The following CACNA1S variants were observed in gnomAD, a reference collection of about 807,000 sequenced individuals.
CACNA1S encodes the protein voltage-dependent L-type calcium channel subunit alpha-1S.
CACNA1S carries 126 observed loss-of-function variants against 207.4 expected under a neutral mutation model. The ratio of observed to expected loss-of-function variants is 0.61; its 90% CI spans 0.53 to 0.70. The LOEUF is 0.70. Ranked by LOEUF, CACNA1S falls within the 30% of genes least tolerant of loss-of-function variation. The pLI, the probability that CACNA1S is intolerant of heterozygous loss-of-function variation, is 0.00. For missense variants in CACNA1S, 2,349 were observed against 2,422.8 expected (o/e 0.97, Z 0.64); for synonymous variants, 960 against 932.7 (o/e 1.03, Z -0.53).
chr1:201,109,151 G>A (rs761679879), intron 2 of CACNA1S, among the ~76,000 whole-genome samples: 6 of 151,994 alleles, frequency 3.9e-5, no homozygotes, highest in Non-Finnish European at 5.9e-5. Flanking sequence ...GGGAGGCTGA[G>A]GCAGGAGCAT....
In CACNA1S at chr1:201,084,410, T is replaced by G. The variant is rs143757995; in HGVS notation, c.1232+540A>C. 9.5e-3 allele frequency among the ~76,000 whole-genome samples: 1,447 copies of G among 152,344 alleles called. 12 individuals carry two copies. The highest frequency in any genetic ancestry group is 0.016 in the Non-Finnish European group (1,111 of 68,034). ...GGGCACTGGAGACCTTCATCTTTTC[T>G]TTGATGTATAGCTCTATTGTTTGAT... is the stretch of plus-strand genomic sequence containing the variant. On this transcript the variant is annotated intron_variant, in intron 9 of 43. Transcript: ENST00000362061.
At chr1:201,098,555 C>T (rs1662520909) in intron 2 of CACNA1S, among the ~76,000 whole-genome samples, 1 of 152,222 alleles carries the variant, frequency 6.6e-6, no homozygotes, top group Admixed American at 6.5e-5. Flanking sequence ...ATCTGAGAAG[C>T]TCTGCTATAG....
intron 9 of CACNA1S, 83 bp downstream of exon 9, chr1:201,084,866 AC>A (rs1292482376): frequency 2.1e-6 from 2 of 957,668 alleles, no homozygotes; most frequent in East Asian, 4.8e-5. Context: ...CTCTGAAACC[AC>A]TGAGGGGAAG....
chr1:201,065,540 C>T (rs1005872796), intron 22 of CACNA1S, among the ~76,000 whole-genome samples: 10 of 152,312 alleles, frequency 6.6e-5, no homozygotes, highest in African/African-American at 2.4e-4. Context: ...TCAGTAGACA[C>T]ATGACCCTCT....
chr1:201,062,058 G>A lies in CACNA1S; in HGVS notation c.2939C>T (p.Pro980Leu). 6.2e-7 allele frequency: 1 copy of A among 1,614,094 alleles called. No individual in the cohort carries two copies. Among genetic ancestry groups the A allele is most frequent in the African/African-American group, 1.3e-5 (1 of 75,056 alleles). The change falls in exon 24 of 44, where the codon CCC (proline) becomes CTC (leucine). Residue 980 changes from proline to leucine, a missense_variant. Transcript: ENST00000362061. ...GYYYVYKDGD[P>L]MQIELRHREW... ...GCGGTGACGCAGCTCTATCTGCATG[G>A]GGTCCCCGTCCTTGTACACGTAGTA... is the stretch of plus-strand genomic sequence containing the variant.
In CACNA1S at chr1:201,075,636, G is replaced by A. The variant is rs771681175; in HGVS notation, c.1828-21C>T. On this transcript the variant is annotated intron_variant, in intron 12 of 43. Transcript: ENST00000362061. ...AGTACCTGTATGGAGGGAGGATAGA[G>A]GGCTCGGGAACACAGAGGGGCCTGA... 11 of 1,613,404 alleles carry A rather than the reference G, an allele frequency of 6.8e-6. No individual in the cohort carries two copies. The African/African-American group carries it at 1.5e-4, about 22-fold the overall frequency.
At chr1:201,047,452 G>A in intron 37 of CACNA1S, 73 bp downstream of exon 37, 1 of 1,366,402 alleles carries the variant, frequency 7.3e-7, no homozygotes, top group Non-Finnish European at 1.0e-6. Flanking sequence ...ATTCCCATGG[G>A]GCTCCTTGGA....
In CACNA1S at chr1:201,047,214, G is replaced by T. The variant is rs995172326; in HGVS notation, c.4569C>A (p.Phe1523Leu). The stretch of plus-strand genomic sequence containing the variant: ...GCTCCTGGATGAGGAATGTGGCGTA[G>T]AACTTCCCCACTGTCACCTCATCAT... ...IGDDEVTVGK[F>L]YATFLIQEHF... Residue 1523 changes from phenylalanine (F) to leucine (L), a missense_variant, in exon 38 of 44, where the codon TTC becomes TTA. Physicochemically the swap from Phe to Leu is conservative, Grantham distance 22 (BLOSUM62 0). Coordinates refer to ENST00000362061, the MANE Select transcript of CACNA1S (RefSeq NM_000069.3). The T allele has an allele frequency of 6.2e-7, 1 of 1,614,106 alleles. No individual in the cohort carries two copies.
At chr1:201,055,452 A>G (rs1660803848) in intron 28 of CACNA1S, among the ~76,000 whole-genome samples, 1 of 152,222 alleles carries the variant, frequency 6.6e-6, no homozygotes, top group Non-Finnish European at 1.5e-5. Context: ...AGAAGTTTAA[A>G]TGCACCCCAG....
chr1:201,091,614 C>A (rs376905800), intron 5 of CACNA1S, 26 bp downstream of exon 5: 1 of 1,614,018 alleles, frequency 6.2e-7, no homozygotes. Context: ...CCCTGCCCCA[C>A]AGCCCCACTT....
chr1:201,093,805 A>T, intron 3 of CACNA1S, 77 bp downstream of exon 3: 1 of 1,550,026 alleles, frequency 6.5e-7, no homozygotes, highest in Non-Finnish European at 8.9e-7. Flanking sequence ...CACCTCTAAG[A>T]TGCTGGTGGT....
chr1:201,048,968 C>T (rs1423777329), intron 35 of CACNA1S, 35 bp downstream of exon 35: 1 of 1,542,228 alleles, frequency 6.5e-7, no homozygotes, highest in Non-Finnish European at 9.0e-7. Flanking sequence ...CTCTTCCCCT[C>T]CCTGGGGCCA....
rs1661999935 is a variant in CACNA1S, at chr1:201,085,301, A to G, written c.1150+135T>C. On this transcript the variant is annotated intron_variant, in intron 8 of 43. Transcript: ENST00000362061. ...CACCTGGATCTTACCATTTTGAGCC[A>G]TTTTGCTTTAGGCAAGTCACTCACC... 4 of 1,222,476 alleles carry G rather than the reference A, an allele frequency of 3.3e-6. No individual in the cohort carries two copies. The African/African-American group carries it at 5.9e-5, about 18-fold the overall frequency. The allele number at this position is 1,222,476 out of a possible 1,614,324, so 75.7% of individuals were successfully genotyped here.
At chr1:201,054,177 G>A (rs994185256) in intron 29 of CACNA1S, among the ~76,000 whole-genome samples, 7 of 152,198 alleles carry the variant, frequency 4.6e-5, no homozygotes, top group African/African-American at 1.7e-4. Flanking sequence ...GTCCTCAAAG[G>A]CCTTGTGCCC....
At chr1:201,044,183 TG>T (rs955019225) in intron 39 of CACNA1S, 144 bp downstream of exon 39, 2 of 862,754 alleles carry the variant, frequency 2.3e-6, no homozygotes, top group Non-Finnish European at 3.7e-6. Flanking sequence ...CCAGGAGAGG[TG>T]GGTGGTGAAG....
chr1:201,075,098 C>T (rs1049223547), intron 13 of CACNA1S, among the ~76,000 whole-genome samples: 1 of 152,194 alleles, frequency 6.6e-6, no homozygotes, highest in African/African-American at 2.4e-5. Context: ...TCCTTCTGGT[C>T]CCAGCGCTCA....
intron 2 of CACNA1S, among the ~76,000 whole-genome samples, chr1:201,107,014 C>T (rs1268988807): frequency 6.6e-6 from 1 of 152,226 alleles, no homozygotes; most frequent in East Asian, 1.9e-4. Flanking sequence ...TGCCAAGTGG[C>T]CCAGGACCCC....
At chr1:201,094,446 T>C (rs1022572188) in intron 2 of CACNA1S, among the ~76,000 whole-genome samples, 26 of 152,216 alleles carry the variant, frequency 1.7e-4, no homozygotes, top group Non-Finnish European at 3.7e-4. Context: ...TTTGTCCATT[T>C]TTTTTTCATT....
intron 32 of CACNA1S, among the ~76,000 whole-genome samples, chr1:201,051,898 G>A (rs1660666142): frequency 6.6e-6 from 1 of 152,198 alleles, no homozygotes. Context: ...TGAGGTGCCG[G>A]TCTCCTTTTC....
Sources: allele counts gnomAD v4.1 joint callset (sites outside exome capture counted in the v4.1 genomes callset), GRCh38; gene constraint gnomAD v4.1.1; transcripts MANE v1.5; gene names NCBI Gene and HGNC (gene_info 2026-07-23, HGNC 2026-07-21).